The following TAOK3 variants were observed in gnomAD, a reference collection of about 807,000 sequenced individuals.
TAOK3 encodes the protein TAO kinase 3.
Under a neutral mutation model 120.4 loss-of-function variants are expected in TAOK3, and 40 were observed. The ratio of observed to expected loss-of-function variants is 0.33; its 90% CI spans 0.26 to 0.43. TAOK3 has a LOEUF of 0.43. Ranked by LOEUF, TAOK3 falls within the 20% of genes least tolerant of loss-of-function variation. The probability of loss-of-function intolerance (pLI) is 1.00; values close to 1 mark genes in which losing one functional copy is unlikely to be tolerated. For missense variants in TAOK3, 821 were observed against 1,112.1 expected (o/e 0.74, Z 3.72); for synonymous variants, 355 against 387.5 (o/e 0.92, Z 0.99).
At chr12:118,182,579 ATGTG>A (rs34798699) in intron 14 of TAOK3, among the ~76,000 whole-genome samples, 1 of 121,012 alleles carries the variant, frequency 8.3e-6, no homozygotes, top group African/African-American at 3.2e-5. Flanking sequence ...TGTTTTGTAT[ATGTG>A]TGTGTGTGTG....
chr12:118,279,259 T>C (rs1337678711), intron 1 of TAOK3, among the ~76,000 whole-genome samples: 7 of 152,204 alleles, frequency 4.6e-5, no homozygotes, highest in Non-Finnish European at 8.8e-5. Context: ...CTTTGCCCAC[T>C]TTTTAATGGG....
Position 118,181,440 on chromosome 12 carries a change from C to G in TAOK3, c.1497G>C (p.Thr499=), listed in dbSNP as rs751343090. 2 of 1,614,190 alleles carry G rather than the reference C, an allele frequency of 1.2e-6. No individual in the cohort carries two copies. Among genetic ancestry groups the G allele is most frequent in the South Asian group, 2.2e-5 (2 of 91,080 alleles). The stretch of plus-strand genomic sequence containing the variant: ...GCTCGATGGACGAGTTGTTGGCATG[C>G]GTCTCCACCTCCTTCTGTAGCTTGA... ...HRLKLQKEVE[T]HANNSSIELE... The change falls in exon 15 of 21, where the codon ACG becomes ACC. Residue 499 remains threonine (T), a synonymous_variant. Coordinates refer to ENST00000392533, the MANE Select transcript of TAOK3 (RefSeq NM_016281.4).
Position 118,160,808 on chromosome 12 carries a change from G to C in TAOK3, c.2140-450C>G, listed in dbSNP as rs2138380118. Among the ~76,000 whole-genome samples, 1 of 152,194 alleles carries C rather than the reference G, an allele frequency of 6.6e-6. No individual in the cohort carries two copies. Among genetic ancestry groups the C allele is most frequent in the South Asian group, 2.1e-4 (1 of 4,816 alleles). ...ACAGGGGATAGCATTATATAAGCCAGCTCTCACTGCTCTGGTTTATAGCAA... is the reference window on the plus strand; with the variant it reads ...ACAGGGGATAGCATTATATAAGCCACCTCTCACTGCTCTGGTTTATAGCAA... On this transcript the variant is annotated intron_variant, in intron 18 of 20. Coordinates refer to ENST00000392533, the MANE Select transcript of TAOK3 (RefSeq NM_016281.4). This position sits in a 1 kb window ranked among gnomAD's most constrained non-coding sequence, Gnocchi z 4.2.
intron 1 of TAOK3, among the ~76,000 whole-genome samples, chr12:118,293,696 C>T (rs934140391): frequency 6.8e-6 from 1 of 146,574 alleles, no homozygotes; most frequent in Non-Finnish European, 1.5e-5. Context: ...GAGAGACAAG[C>T]CACATAAGCA....
rs1416560068 is a variant in TAOK3 at position 118,217,845 on chromosome 12, A to G, written c.644-3735T>C. ...TATATATATATATATATATATATAT[A>G]TATATATATATATATACACTTTTTT... is the stretch of plus-strand genomic sequence containing the variant. On this transcript the variant is annotated intron_variant, in intron 9 of 20. Transcript: ENST00000392533. Among the ~76,000 whole-genome samples, 175 of 100,126 alleles carry G rather than the reference A, an allele frequency of 1.7e-3. 8 individuals carry two copies. In the East Asian group the frequency reaches 0.042, roughly 24 times the overall value. The allele number at this position is 100,126 out of a possible 152,430, so 65.7% of individuals were successfully genotyped here. A position where few individuals can be genotyped will look rare whatever the true frequency, so the allele number is the denominator to read the frequency against.
At chr12:118,167,387 A>G (rs2035669602) in intron 17 of TAOK3, among the ~76,000 whole-genome samples, 1 of 152,108 alleles carries the variant, frequency 6.6e-6, no homozygotes, top group Admixed American at 6.5e-5. Flanking sequence ...CCGAAAATGT[A>G]TCCCCCAAAA....
At chr12:118,201,600 T>A (rs2038028143) in intron 11 of TAOK3, 137 bp from the exon 12 acceptor site, 1 of 738,626 alleles carries the variant, frequency 1.4e-6, no homozygotes, top group Admixed American at 3.5e-5. Flanking sequence ...GATTTTCATG[T>A]CATGTGTCCT....
intron 1 of TAOK3, among the ~76,000 whole-genome samples, chr12:118,360,081 C>T (rs968826095): frequency 1.3e-5 from 2 of 150,964 alleles, no homozygotes; most frequent in African/African-American, 4.9e-5. Flanking sequence ...GCCTGGCCAA[C>T]ATGGTGAAAC....
At chr12:118,331,710 A>T (rs1054195787) in intron 1 of TAOK3, among the ~76,000 whole-genome samples, 2 of 151,314 alleles carry the variant, frequency 1.3e-5, no homozygotes, top group African/African-American at 4.9e-5. Context: ...GATGAAATTT[A>T]AAAATGCATG....
intron 13 of TAOK3, among the ~76,000 whole-genome samples, chr12:118,195,673 C>G (rs775447321): frequency 5.3e-5 from 8 of 152,312 alleles, no homozygotes; most frequent in Admixed American, 3.9e-4. Flanking sequence ...TGTGGCAACA[C>G]TAGCCAGGGG....
At chr12:118,179,643 G>GTTTT (rs566111629) in intron 15 of TAOK3, among the ~76,000 whole-genome samples, 3 of 123,640 alleles carry the variant, frequency 2.4e-5, no homozygotes, top group African/African-American at 3.0e-5. Flanking sequence ...TTACCCTTCT[G>GTTTT]TTTTTTTTTT....
intron 3 of TAOK3, among the ~76,000 whole-genome samples, chr12:118,245,535 CTCAA>C (rs1593282465): frequency 6.6e-6 from 1 of 152,046 alleles, no homozygotes; most frequent in East Asian, 1.9e-4. Context: ...CCAGGCTGGT[CTCAA>C]ACTCCTGACC....
intron 3 of TAOK3, among the ~76,000 whole-genome samples, chr12:118,248,553 A>T (rs953176183): frequency 6.6e-5 from 10 of 152,168 alleles, no homozygotes; most frequent in African/African-American, 2.4e-4. Context: ...GTGCAGCTTA[A>T]GGAGCCTGAG....
intron 17 of TAOK3, among the ~76,000 whole-genome samples, chr12:118,168,617 T>C (rs1242878029): frequency 6.6e-6 from 1 of 152,206 alleles, no homozygotes; most frequent in Admixed American, 6.5e-5. Context: ...TTCATGAAGG[T>C]GGGCTCTGGA....
chr12:118,243,349 A>G (rs1348617044), intron 5 of TAOK3, 66 bp downstream of exon 5: 5 of 828,192 alleles, frequency 6.0e-6, no homozygotes, highest in Non-Finnish European at 9.6e-6. Context: ...GATCAAATAG[A>G]TAATAGAAAA....
intron 9 of TAOK3, among the ~76,000 whole-genome samples, chr12:118,218,017 G>A (rs1451808618): frequency 2.7e-5 from 4 of 150,128 alleles, no homozygotes; most frequent in South Asian, 2.1e-4. Flanking sequence ...ATGCCACCAC[G>A]CCTCGCTAAT....
intron 15 of TAOK3, among the ~76,000 whole-genome samples, chr12:118,179,937 T>A (rs1011113687): frequency 2.8e-5 from 4 of 142,510 alleles, no homozygotes; most frequent in African/African-American, 1.0e-4. Flanking sequence ...TGAGCCACCA[T>A]GCCTGGCTGG....
At chr12:118,328,471 A>G (rs2044019091) in intron 1 of TAOK3, among the ~76,000 whole-genome samples, 1 of 152,222 alleles carries the variant, frequency 6.6e-6, no homozygotes. Flanking sequence ...CAAATGTATT[A>G]AAGAAACGTA....
At chr12:118,321,026 A>C (rs917739245) in intron 1 of TAOK3, among the ~76,000 whole-genome samples, 1 of 152,208 alleles carries the variant, frequency 6.6e-6, no homozygotes, top group Admixed American at 6.5e-5. Context: ...ATAATGTGTT[A>C]CATTTTAAAA....
Sources: gnomAD v4.1 joint callset for allele counts (sites outside exome capture counted in the v4.1 genomes callset) on GRCh38, gnomAD v4.1.1 for gene constraint, Gnocchi (gnomAD v3.1) non-coding constraint, MANE v1.5 for transcripts, NCBI Gene and HGNC (gene_info 2026-07-23, HGNC 2026-07-21) for gene names.